TCN1: variants seen among roughly 807,000 people sequenced by gnomAD.
The protein encoded by TCN1 is transcobalamin 1, also known as transcobalamin-1.
In TCN1, 47 loss-of-function variants were observed where a neutral mutation model predicts 46.3. The observed-to-expected ratio is 1.01, with a 90% CI of 0.80 to 1.29. The LOEUF (loss-of-function observed/expected upper bound fraction) is 1.29. Among genes scored for constraint, TCN1 ranks in the 50% most tolerant of loss-of-function variants. TCN1 has a pLI of 0.00. For synonymous variants in TCN1, 183 were observed against 192.5 expected, an observed-to-expected ratio of 0.95 and a Z score of 0.41; for missense variants, 532 against 511.0, an observed-to-expected ratio of 1.04 and a Z score of -0.40.
chr11:59,859,806 A>C (rs144558052), intron 4 of TCN1, among the ~76,000 whole-genome samples: 37 of 152,348 alleles, frequency 2.4e-4, no homozygotes, highest in Middle Eastern at 3.4e-3. Context: ...AGTACTTAAC[A>C]TAGGGTCAAT....
In TCN1 at chr11:59,859,072, C is replaced by G; in HGVS notation, c.747+5G>C. 2 of 1,611,804 alleles carry G rather than the reference C, an allele frequency of 1.2e-6. No individual in the cohort carries two copies. The highest frequency in any genetic ancestry group is 1.1e-5 in the South Asian group (1 of 91,060). ...CTCTGCCTCCTGTTTCACCCTCTGA[C>G]TTACCTGCATGGCTTCTCCTGTGCT... On this transcript the variant is annotated splice_donor_5th_base_variant and intron_variant, in intron 5 of 8. Transcript: ENST00000257264.
intron 5 of TCN1, among the ~76,000 whole-genome samples, chr11:59,857,389 A>T (rs1852955829): frequency 6.6e-6 from 1 of 152,204 alleles, no homozygotes; most frequent in Non-Finnish European, 1.5e-5. Flanking sequence ...GTTTATATTC[A>T]GTTCAAACTT....
At chr11:59,853,342 G>C (rs759875279) in intron 7 of TCN1, 21 bp from the exon 8 acceptor site, 2 of 1,604,788 alleles carry the variant, frequency 1.2e-6, no homozygotes, top group South Asian at 1.1e-5. Flanking sequence ...CAGCAAGTAG[G>C]TTACTGGAAC....
intron 8 of TCN1, 39 bp downstream of exon 8, chr11:59,853,164 A>G: frequency 6.2e-7 from 1 of 1,612,298 alleles, no homozygotes; most frequent in Non-Finnish European, 8.5e-7. Context: ...CCATTTGGGC[A>G]TTTTTAGCAT....
chr11:59,853,092 A>G (rs919409038), intron 8 of TCN1, 56 bp from the exon 9 acceptor site: 15 of 1,600,596 alleles, frequency 9.4e-6, no homozygotes, highest in African/African-American at 2.7e-5. Context: ...TAAATCACCA[A>G]ATAATGGATG....
intron 5 of TCN1, among the ~76,000 whole-genome samples, chr11:59,857,317 G>A (rs1043539859): frequency 6.6e-6 from 1 of 152,136 alleles, no homozygotes; most frequent in Non-Finnish European, 1.5e-5. Flanking sequence ...GTGGGCCTGG[G>A]TATTAGTGTT....
chr11:59,854,684 C>A lies in TCN1; in HGVS notation c.1089G>T (p.Glu363Asp). The change falls in exon 7 of 9, where the codon GAG (glutamate) becomes GAT (aspartate). Residue 363 changes from glutamate to aspartate, a missense_variant. Coordinates refer to ENST00000257264, the MANE Select transcript of TCN1 (RefSeq NM_001062.4). ...LNGSVFLSVM[E>D]KAQKMNDTIF... ...TAGTATCATTCATTTTCTGGGCTTTCTCCATCACACTGAGGAAGACAGAAC... is the reference window on the plus strand; with the variant it reads ...TAGTATCATTCATTTTCTGGGCTTTATCCATCACACTGAGGAAGACAGAAC... 6.2e-7 allele frequency: 1 copy of A among 1,613,942 alleles called. No homozygotes were observed. Among genetic ancestry groups the A allele is most frequent in the South Asian group, 1.1e-5 (1 of 91,074 alleles).
At chr11:59,853,595 C>T (rs1473848678) in intron 7 of TCN1, among the ~76,000 whole-genome samples, 1 of 152,152 alleles carries the variant, frequency 6.6e-6, no homozygotes. Flanking sequence ...GCTCTCCCCA[C>T]CTGCCATGGT....
chr11:59,854,777 T>C lies in TCN1; in HGVS notation c.996A>G (p.Ser332=). Residue 332 remains serine (S), a synonymous_variant, in exon 7 of 9, where the codon TCA becomes TCG. Transcript: ENST00000257264. The part of the protein sequence containing the change: ...PITVTPPDSQ[S]YISVNYSVRI... ...TCACAGAGTAATTGACGGAGATATA[T>C]GATTGTGAGTCAGGAGGTGTCACAG... 1 of 1,614,064 alleles carries C rather than the reference T, an allele frequency of 6.2e-7. No individual in the cohort carries two copies. Among genetic ancestry groups the C allele is most frequent in the South Asian group, 1.1e-5 (1 of 91,092 alleles).
chr11:59,861,366 C>G (rs2135109101), intron 4 of TCN1, among the ~76,000 whole-genome samples, 161 bp downstream of exon 4: 1 of 152,220 alleles, frequency 6.6e-6, no homozygotes, highest in African/African-American at 2.4e-5. Context: ...TAAATGCCAT[C>G]CATCATCCAT....
rs778417653 is a variant in TCN1, at chr11:59,855,922, A to G, written c.884T>C (p.Met295Thr). Residue 295 changes from methionine to threonine, a missense_variant, in exon 6 of 9, where the codon ATG becomes ACG. By Grantham distance (81) the Met-to-Thr change is moderately conservative. Coordinates refer to ENST00000257264, the MANE Select transcript of TCN1 (RefSeq NM_001062.4). ...GTTAATATCCAAGAAGGTCTTTCCC[A>G]TCAGGGCAGGTAAGACCTGGGCTGC... ...NAAAQVLPAL[M>T]GKTFLDINKD... 5.6e-6 allele frequency: 9 copies of G among 1,613,786 alleles called. No homozygotes were observed. The South Asian group carries it at 6.6e-5, about 12-fold the overall frequency.
chr11:59,855,727 G>A, intron 6 of TCN1, 142 bp downstream of exon 6: 2 of 902,328 alleles, frequency 2.2e-6, no homozygotes, highest in Non-Finnish European at 3.5e-6. Context: ...CTGGTAACAT[G>A]AGGAAAACTG....
chr11:59,866,301 T>A, intron 1 of TCN1, 91 bp downstream of exon 1: 1 of 1,335,514 alleles, frequency 7.5e-7, no homozygotes, highest in Non-Finnish European at 1.1e-6. Context: ...TGGAATGGGA[T>A]CTTTTCTCAG....
In TCN1 at chr11:59,860,444, A is replaced by T. The variant is rs951958403; in HGVS notation, c.556+1083T>A. ...GCACCCTGCCTTTTTTTTTTTTTAA[A>T]TACAATTCTGGGTTTCTTTTTTTAC... On this transcript the variant is annotated intron_variant, in intron 4 of 8. Coordinates refer to ENST00000257264, the MANE Select transcript of TCN1 (RefSeq NM_001062.4). 1.1e-3 allele frequency among the ~76,000 whole-genome samples: 168 copies of T among 151,360 alleles called. 2 individuals carry two copies. Among genetic ancestry groups the T allele is most frequent in the African/African-American group, 4.0e-3 (167 of 41,254 alleles).
chr11:59,859,308 C>A, intron 4 of TCN1, 41 bp from the exon 5 acceptor site: 1 of 1,606,062 alleles, frequency 6.2e-7, no homozygotes, highest in Non-Finnish European at 8.5e-7. Context: ...GACCAACCAC[C>A]TCAGTTTGTC....
chr11:59,855,927 G>A lies in TCN1; in HGVS notation c.879C>T (p.Ala293=), dbSNP rs143457374. The change falls in exon 6 of 9, where the codon GCC becomes GCT. Residue 293 remains alanine (A), a synonymous_variant. Coordinates refer to ENST00000257264, the MANE Select transcript of TCN1 (RefSeq NM_001062.4). ...TATCCAAGAAGGTCTTTCCCATCAG[G>A]GCAGGTAAGACCTGGGCTGCAGCGT... ...NPNAAAQVLP[A]LMGKTFLDIN... is the part of the protein sequence containing the mutation. The A allele has an allele frequency of 6.1e-4, 978 of 1,613,796 alleles. No homozygotes were observed. The highest frequency in any genetic ancestry group is 7.7e-4 in the Non-Finnish European group (914 of 1,179,796).
At chr11:59,860,192 T>TGGTCCGATCTCCCTGC (rs1853001733) in intron 4 of TCN1, among the ~76,000 whole-genome samples, 1 of 152,328 alleles carries the variant, frequency 6.6e-6, no homozygotes, top group South Asian at 2.1e-4. Context: ...TGGAGTGCTG[T>TGGTCCGATCTCCCTGC]GGTCCGATCT....
rs768488747 is a variant in TCN1 at position 59,854,648 on chromosome 11, C to A, written c.1121+4G>T. 2 of 1,613,534 alleles carry A rather than the reference C, an allele frequency of 1.2e-6. No homozygotes were observed. Among genetic ancestry groups the A allele is most frequent in the South Asian group, 2.2e-5 (2 of 91,034 alleles). ...TCTTAACCTTAGGTTAGGTACAGAC[C>A]TACCCAAATATAGTATCATTCATTT... On this transcript the variant is annotated splice_donor_region_variant and intron_variant, in intron 7 of 8. Transcript: ENST00000257264.
chr11:59,862,737 A>T lies in TCN1; in HGVS notation c.260-15T>A. ...TACATCTGACACTGAAAAGAAAAGT[A>T]TTCAAGCTTAATAAGGTACAGGCTT... On this transcript the variant is annotated splice_polypyrimidine_tract_variant and intron_variant, in intron 2 of 8. Transcript: ENST00000257264. 6.2e-7 allele frequency: 1 copy of T among 1,612,874 alleles called. No individual in the cohort carries two copies. The highest frequency in any genetic ancestry group is 8.5e-7 in the Non-Finnish European group (1 of 1,179,552).
Sources: allele counts gnomAD v4.1 joint callset (sites outside exome capture counted in the v4.1 genomes callset), GRCh38; gene constraint gnomAD v4.1.1; transcripts MANE v1.5; gene names NCBI Gene and HGNC (gene_info 2026-07-23, HGNC 2026-07-21).